Variants in PAWR observed in about 807,000 individuals in gnomAD.
PAWR encodes PRKC apoptosis WT1 regulator protein.
PAWR carries 23 observed loss-of-function variants against 32.0 expected under a neutral mutation model. The ratio of observed to expected loss-of-function variants is 0.72; its 90% CI spans 0.52 to 1.02. The LOEUF is 1.02. Ranked by LOEUF, PAWR falls within the 50% of genes least tolerant of loss-of-function variation. The pLI is 0.00. For missense variants in PAWR, 457 were observed against 437.7 expected, an observed-to-expected ratio of 1.04 and a Z score of -0.39; for synonymous variants, 226 against 187.1, an observed-to-expected ratio of 1.21 and a Z score of -1.70.
At chr12:79,651,989 C>T (rs1876871897) in intron 2 of PAWR, among the ~76,000 whole-genome samples, 1 of 152,000 alleles carries the variant, frequency 6.6e-6, no homozygotes, top group Non-Finnish European at 1.5e-5. Flanking sequence ...AGGAAATAAG[C>T]CATTCACAAG....
At position 79,690,026 on chromosome 12, in the gene PAWR, G is replaced by A; in HGVS notation, c.219C>T (p.Leu73=). The change falls in exon 2 of 7, where the codon CTC becomes CTT. Residue 73 remains leucine, a synonymous_variant. Transcript: ENST00000328827. ...AAAANELNNN[L]PGGAPAAPAV... is the part of the protein sequence containing the mutation. ...CAGGTGCGGCCGGCGCGCCGCCCGG[G>A]AGGTTGTTGTTGAGCTCGTTGGCAG... 7.6e-7 allele frequency: 1 copy of A among 1,316,248 alleles called. No homozygotes were observed. Among genetic ancestry groups the A allele is most frequent in the Non-Finnish European group, 9.6e-7 (1 of 1,039,886 alleles). 81.5% of individuals were successfully genotyped at this position (1,316,248 alleles called of 1,614,324 possible).
intron 4 of PAWR, among the ~76,000 whole-genome samples, chr12:79,605,280 A>G (rs543777348): frequency 6.6e-6 from 1 of 152,300 alleles, no homozygotes; most frequent in South Asian, 2.1e-4. Context: ...TATATTAAAT[A>G]TAGTGAATTA....
chr12:79,619,848 A>C (rs996994284), intron 3 of PAWR, among the ~76,000 whole-genome samples: 4 of 152,250 alleles, frequency 2.6e-5, no homozygotes, highest in Non-Finnish European at 5.9e-5. Context: ...TTGGCAAAGC[A>C]CAAACTGTTT....
Position 79,592,564 on chromosome 12 carries a change from T to C in PAWR, c.*43A>G, listed in dbSNP as rs1873592278. On this transcript the variant is annotated 3_prime_UTR_variant, in exon 7 of 7. Coordinates refer to ENST00000328827, the MANE Select transcript of PAWR (RefSeq NM_002583.4). ...GCTAGCATTGACCATTAACATTCAA[T>C]CAGTAGTTTAAAATATTTTTTCCAC... 2 of 742,810 alleles carry C rather than the reference T, an allele frequency of 2.7e-6. No individual in the cohort carries two copies. Among genetic ancestry groups the C allele is most frequent in the Non-Finnish European group, 4.9e-6 (2 of 408,708 alleles). The allele number at this position is 742,810 out of a possible 1,614,324, so 46.0% of individuals were successfully genotyped here.
chr12:79,687,517 G>A (rs907031864), intron 2 of PAWR, among the ~76,000 whole-genome samples: 5 of 152,024 alleles, frequency 3.3e-5, no homozygotes, highest in African/African-American at 4.8e-5. Context: ...AGTCTTACTC[G>A]ACATTAGATA....
At position 79,626,417 on chromosome 12, in the gene PAWR, G is replaced by A. The variant is rs1013700821; in HGVS notation, c.517-5210C>T. Among the ~76,000 whole-genome samples, 166 of 149,430 alleles carry A rather than the reference G, an allele frequency of 1.1e-3. 2 individuals carry two copies. The highest frequency in any genetic ancestry group is 3.9e-3 in the African/African-American group (159 of 40,866). ...TGGGACTACAGGCGCCCACCACCAC[G>A]CCCGGATCATTTTTTGTATTTTTAG... is the stretch of plus-strand genomic sequence containing the variant. On this transcript the variant is annotated intron_variant, in intron 2 of 6. Transcript: ENST00000328827.
At chr12:79,594,820 G>A (rs542957250) in intron 5 of PAWR, among the ~76,000 whole-genome samples, 1 of 152,044 alleles carries the variant, frequency 6.6e-6, no homozygotes, top group Non-Finnish European at 1.5e-5. Flanking sequence ...GGGTTCAAGC[G>A]ATTCTCCTGC....
chr12:79,612,769 T>C (rs1874499070), intron 4 of PAWR, among the ~76,000 whole-genome samples: 1 of 152,220 alleles, frequency 6.6e-6, no homozygotes, highest in African/African-American at 2.4e-5. Context: ...CTGCAACCTT[T>C]ATGGCCTCAA....
intron 2 of PAWR, among the ~76,000 whole-genome samples, chr12:79,654,182 C>G (rs1241918518): frequency 6.6e-6 from 1 of 152,130 alleles, no homozygotes; most frequent in Non-Finnish European, 1.5e-5. Context: ...TTGGTTACAT[C>G]AAATGATTAA....
chr12:79,672,227 A>G (rs969881450), intron 2 of PAWR, among the ~76,000 whole-genome samples: 1 of 152,106 alleles, frequency 6.6e-6, no homozygotes, highest in East Asian at 1.9e-4. Context: ...TTTCTGAAAC[A>G]AAAATTAGAT....
intron 2 of PAWR, among the ~76,000 whole-genome samples, chr12:79,689,078 T>C (rs1878831546): frequency 6.6e-6 from 1 of 152,148 alleles, no homozygotes; most frequent in Admixed American, 6.5e-5. Flanking sequence ...AAAGAGATCG[T>C]CTTAGCGAAC....
At chr12:79,633,331 A>G (rs1253253788) in intron 2 of PAWR, among the ~76,000 whole-genome samples, 1 of 152,170 alleles carries the variant, frequency 6.6e-6, no homozygotes, top group African/African-American at 2.4e-5. Flanking sequence ...AAAAATGACC[A>G]AAAATGTGAA....
At chr12:79,621,994 C>A (rs1265046033) in intron 2 of PAWR, among the ~76,000 whole-genome samples, 2 of 152,140 alleles carry the variant, frequency 1.3e-5, no homozygotes, top group East Asian at 3.9e-4. Context: ...AGAACTCACA[C>A]CCCCTCCAGA....
At chr12:79,627,627 G>A (rs1342352720) in intron 2 of PAWR, among the ~76,000 whole-genome samples, 3 of 152,074 alleles carry the variant, frequency 2.0e-5, no homozygotes, top group Non-Finnish European at 4.4e-5. Context: ...GGCTTTTGTT[G>A]CCATTGCTTT....
At chr12:79,647,626 T>C (rs1229561984) in intron 2 of PAWR, among the ~76,000 whole-genome samples, 1 of 152,218 alleles carries the variant, frequency 6.6e-6, no homozygotes, top group Non-Finnish European at 1.5e-5. Flanking sequence ...TTCTACTACA[T>C]GCTAGGCAGA....
chr12:79,618,074 T>C (rs1315041388), intron 3 of PAWR, among the ~76,000 whole-genome samples: 4 of 152,170 alleles, frequency 2.6e-5, no homozygotes, highest in African/African-American at 7.2e-5. Flanking sequence ...TGTCTCTTTA[T>C]AGCAATGCAA....
intron 2 of PAWR, among the ~76,000 whole-genome samples, chr12:79,658,305 T>C (rs1877189847): frequency 6.6e-6 from 1 of 152,194 alleles, no homozygotes; most frequent in Non-Finnish European, 1.5e-5. Context: ...CTAAGAGTTA[T>C]TAATGCATAC....
Position 79,669,529 on chromosome 12 carries a change from T to C in PAWR, c.516+20200A>G, listed in dbSNP as rs964939255. On this transcript the variant is annotated intron_variant, in intron 2 of 6. Coordinates refer to ENST00000328827, the MANE Select transcript of PAWR (RefSeq NM_002583.4). ...CTCTTCTAATAACCATCTTAAATTATACATACTTCATTTTCAAGTCCTCCA... is the reference window on the plus strand; with the variant it reads ...CTCTTCTAATAACCATCTTAAATTACACATACTTCATTTTCAAGTCCTCCA... Among the ~76,000 whole-genome samples, 4 of 152,288 alleles carry C rather than the reference T, an allele frequency of 2.6e-5. No individual in the cohort carries two copies. In the South Asian group the frequency reaches 6.2e-4, roughly 24 times the overall value.
At chr12:79,604,613 T>C in intron 4 of PAWR, 1 of 1,282,630 alleles carries the variant, frequency 7.8e-7, no homozygotes, top group Non-Finnish European at 1.0e-6. Flanking sequence ...AACAACTACT[T>C]AACTGGCTTC....
Sources: allele counts gnomAD v4.1 joint callset (sites outside exome capture counted in the v4.1 genomes callset), GRCh38; gene constraint gnomAD v4.1.1; transcripts MANE v1.5; gene names NCBI Gene and HGNC (gene_info 2026-07-23, HGNC 2026-07-21).